Variants in PIGL observed in about 807,000 individuals in gnomAD.
The protein encoded by PIGL is phosphatidylinositol glycan anchor biosynthesis class L, also known as N-acetylglucosaminyl-phosphatidylinositol de-N-acetylase.
Under a neutral mutation model 31.1 loss-of-function variants are expected in PIGL, and 22 were observed. The ratio of observed to expected loss-of-function variants is 0.71; its 90% CI spans 0.51 to 1.01. PIGL has a LOEUF of 1.01. Ranked by LOEUF, PIGL falls within the 50% of genes least tolerant of loss-of-function variation. The pLI is 0.00. For missense variants in PIGL, 302 were observed against 315.9 expected (o/e 0.96, Z 0.33); for synonymous variants, 131 against 117.4 (o/e 1.12, Z -0.75).
chr17:16,253,417 G>T (rs545654552), intron 2 of PIGL, among the ~76,000 whole-genome samples: 28 of 152,276 alleles, frequency 1.8e-4, no homozygotes, highest in African/African-American at 6.5e-4. Context: ...ATTTATAGTT[G>T]AGGTGATGGA....
At chr17:16,230,419 C>T (rs1469266268) in intron 1 of PIGL, among the ~76,000 whole-genome samples, 2 of 152,250 alleles carry the variant, frequency 1.3e-5, no homozygotes, top group South Asian at 2.1e-4. Flanking sequence ...GCTGTTGTAA[C>T]TATTTGATGT....
chr17:16,314,997 A>T (rs972249902), intron 4 of PIGL, among the ~76,000 whole-genome samples: 1 of 152,166 alleles, frequency 6.6e-6, no homozygotes, highest in East Asian at 1.9e-4. Context: ...GGTCAGGTCT[A>T]TTGCAAACAA....
intron 5 of PIGL, chr17:16,316,949 C>T: frequency 7.6e-7 from 1 of 1,309,538 alleles, no homozygotes; most frequent in Non-Finnish European, 9.8e-7. Flanking sequence ...GCCCCTCAAC[C>T]TGTCTAGCTT....
intron 2 of PIGL, among the ~76,000 whole-genome samples, chr17:16,282,439 T>C (rs1458589849): frequency 1.3e-5 from 2 of 152,202 alleles, no homozygotes; most frequent in South Asian, 2.1e-4. Flanking sequence ...TAGTTACTAC[T>C]ATTATGTAAA....
At chr17:16,317,058 C>G in intron 5 of PIGL, 1 of 1,094,906 alleles carries the variant, frequency 9.1e-7, no homozygotes, top group East Asian at 5.6e-5. Flanking sequence ...CTGCTGGGTG[C>G]TTGATGAACC....
At chr17:16,267,483 G>A (rs1301306041) in intron 2 of PIGL, among the ~76,000 whole-genome samples, 1 of 152,098 alleles carries the variant, frequency 6.6e-6, no homozygotes, top group African/African-American at 2.4e-5. Flanking sequence ...GTTCAAACGT[G>A]TTGTTCAAGG....
chr17:16,302,223 A>G (rs2093007818), intron 3 of PIGL, among the ~76,000 whole-genome samples: 1 of 152,100 alleles, frequency 6.6e-6, no homozygotes, highest in Non-Finnish European at 1.5e-5. Flanking sequence ...CCTGGCTGGA[A>G]AAATGGTCAC....
intron 6 of PIGL, among the ~76,000 whole-genome samples, chr17:16,321,579 A>G (rs1354301087): frequency 6.6e-6 from 1 of 151,988 alleles, no homozygotes; most frequent in Non-Finnish European, 1.5e-5. Context: ...TTTGTACCTA[A>G]TAAGAGGCAC....
intron 1 of PIGL, 171 bp downstream of exon 1, chr17:16,217,632 TGGTGGG>T: frequency 1.7e-5 from 9 of 540,054 alleles, no homozygotes; most frequent in Admixed American, 7.0e-5. Flanking sequence ...CCGGCTTACC[TGGTGGG>T]TTGGGGGACG....
chr17:16,292,609 C>T (rs914476070), intron 2 of PIGL, among the ~76,000 whole-genome samples: 6 of 152,122 alleles, frequency 3.9e-5, no homozygotes, highest in African/African-American at 1.4e-4. Context: ...AACCTTTTTA[C>T]AATACTAAAA....
intron 2 of PIGL, among the ~76,000 whole-genome samples, chr17:16,239,580 G>T (rs969738787): frequency 6.6e-6 from 1 of 152,162 alleles, no homozygotes; most frequent in Non-Finnish European, 1.5e-5. Flanking sequence ...ATCTCTTTCT[G>T]TTGAACCTTC....
chr17:16,233,428 G>A (rs1376618246), intron 1 of PIGL, among the ~76,000 whole-genome samples: 1 of 152,062 alleles, frequency 6.6e-6, no homozygotes. Context: ...GGGGTATGCT[G>A]GATAGCTGGC....
intron 2 of PIGL, among the ~76,000 whole-genome samples, chr17:16,245,032 G>C (rs1250045025): frequency 6.6e-6 from 1 of 151,456 alleles, no homozygotes; most frequent in African/African-American, 2.4e-5. Context: ...CGCTCTTGTT[G>C]CCCAGGCTGG....
At chr17:16,317,049 T>G (rs1283236692) in intron 5 of PIGL, 4 of 1,110,150 alleles carry the variant, frequency 3.6e-6, no homozygotes, top group Non-Finnish European at 4.4e-6. Flanking sequence ...TGTAAATGAC[T>G]GCTGGGTGCT....
chr17:16,318,140 A>G (rs1029788038), intron 6 of PIGL, among the ~76,000 whole-genome samples: 2 of 152,232 alleles, frequency 1.3e-5, no homozygotes, highest in African/African-American at 2.4e-5. Flanking sequence ...CTAAAAGTAA[A>G]TAACACATGC....
chr17:16,237,656 C>G (rs925230731), intron 2 of PIGL, among the ~76,000 whole-genome samples: 2 of 150,678 alleles, frequency 1.3e-5, no homozygotes, highest in Non-Finnish European at 3.0e-5. Context: ...CAAAAATTAG[C>G]TGGGCATGGT....
intron 6 of PIGL, among the ~76,000 whole-genome samples, chr17:16,324,128 G>T (rs1296176052): frequency 2.7e-5 from 4 of 148,564 alleles, no homozygotes; most frequent in East Asian, 2.0e-4. Flanking sequence ...AGCTAATTTT[G>T]GATTTTTTTT....
intron 2 of PIGL, among the ~76,000 whole-genome samples, chr17:16,261,602 C>T (rs2092819583): frequency 6.6e-6 from 1 of 152,022 alleles, no homozygotes; most frequent in Non-Finnish European, 1.5e-5. Context: ...GTGGTTCACA[C>T]CTGTAATCCC....
intron 2 of PIGL, among the ~76,000 whole-genome samples, chr17:16,299,526 T>G (rs1348681420): frequency 6.6e-6 from 1 of 152,230 alleles, no homozygotes; most frequent in Non-Finnish European, 1.5e-5. Flanking sequence ...ATCTTTGTAC[T>G]TTTTATTAAA....
Sources: allele counts gnomAD v4.1 joint callset (sites outside exome capture counted in the v4.1 genomes callset), GRCh38; gene constraint gnomAD v4.1.1; transcripts MANE v1.5; gene names NCBI Gene and HGNC (gene_info 2026-07-23, HGNC 2026-07-21).